Variants in IDH3A observed in about 807,000 individuals in gnomAD.
The protein encoded by IDH3A is isocitrate dehydrogenase [NAD] subunit alpha, mitochondrial.
In IDH3A, 23 loss-of-function variants were observed where a neutral mutation model predicts 43.3. That is an observed-to-expected ratio of 0.53 (90% confidence interval 0.38 to 0.75). The LOEUF is 0.75. Among genes scored for constraint, IDH3A ranks in the 30% least tolerant of loss-of-function variants. IDH3A has a pLI of 0.00. For synonymous variants in IDH3A, 154 were observed against 163.5 expected (o/e 0.94, Z 0.44); for missense variants, 329 against 474.4 (o/e 0.69, Z 2.85).
chr15:78,160,239 G>T (rs2074667855), intron 4 of IDH3A, 33 bp downstream of exon 4: 1 of 1,262,362 alleles, frequency 7.9e-7, no homozygotes. Context: ...GGTTTTTACA[G>T]ATTTCCGCTA....
Position 78,171,684 on chromosome 15 carries a change from C to G in IDH3A, c.*2679C>G. The G allele has an allele frequency of 1.6e-6, 1 of 608,858 alleles. No individual in the cohort carries two copies. The highest frequency in any genetic ancestry group is 2.9e-6 in the Non-Finnish European group (1 of 341,134). The allele number at this position is 608,858 out of a possible 1,614,324, so 37.7% of individuals were successfully genotyped here. On this transcript the variant is annotated 3_prime_UTR_variant, in exon 11 of 11. Transcript: ENST00000299518. ...GCCAGCCTCCAAGACAGTGATCGCT[C>G]CTGGTATTCATATGGCTTGTGTGTA...
chr15:78,163,694 T>C (rs374573637), intron 7 of IDH3A, 22 bp from the exon 8 acceptor site: 6 of 1,606,128 alleles, frequency 3.7e-6, no homozygotes, highest in Non-Finnish European at 5.1e-6. Context: ...GATTACTAAA[T>C]GCACAAATGT....
intron 1 of IDH3A, 68 bp from the exon 2 acceptor site, chr15:78,155,142 ACTT>A (rs2074613482): frequency 3.7e-6 from 4 of 1,081,438 alleles, no homozygotes; most frequent in Non-Finnish European, 5.7e-6. Context: ...ATCCATCAGG[ACTT>A]CCTCGCTCTT....
chr15:78,162,084 A>C (rs977742251), intron 5 of IDH3A, 150 bp from the exon 6 acceptor site: 1 of 752,792 alleles, frequency 1.3e-6, no homozygotes, highest in East Asian at 2.6e-5. Context: ...GTTAACATGA[A>C]CCCCATTGTC....
chr15:78,149,445 G>T lies in IDH3A; in HGVS notation c.27+15G>T. 6.5e-7 allele frequency: 1 copy of T among 1,537,070 alleles called. No homozygotes were observed. The stretch of plus-strand genomic sequence containing the variant: ...GGATCTCTAAGGTGAGCGCTGGCAG[G>T]CCGGCGTGTGGCAGGCAGGCAGGCC... On this transcript the variant is annotated intron_variant, in intron 1 of 10. Coordinates refer to ENST00000299518, the MANE Select transcript of IDH3A (RefSeq NM_005530.3).
Position 78,166,251 on chromosome 15 carries a change from C to A in IDH3A, c.966C>A (p.Asp322Glu). The A allele has an allele frequency of 6.2e-7, 1 of 1,614,102 alleles. No homozygotes were observed. Among genetic ancestry groups the A allele is most frequent in the Non-Finnish European group, 8.5e-7 (1 of 1,179,998 alleles). The change falls in exon 10 of 11, where the codon GAC becomes GAA. Residue 322 changes from aspartate to glutamate, a missense_variant. Physicochemically the swap from Asp to Glu is conservative, Grantham distance 45. Coordinates refer to ENST00000299518, the MANE Select transcript of IDH3A (RefSeq NM_005530.3). The part of the protein sequence containing the change: ...VMMLRHMGLF[D>E]HAARIEAACF... ...TGCTGCGCCACATGGGACTTTTTGA[C>A]CATGCTGCAAGAATTGAGGCTGCGT...
At chr15:78,162,089 A>C (rs1458431750) in intron 5 of IDH3A, 145 bp from the exon 6 acceptor site, 7 of 781,420 alleles carry the variant, frequency 9.0e-6, no homozygotes, top group Non-Finnish European at 1.3e-5. Flanking sequence ...CATGAACCCC[A>C]TTGTCGTAGC....
chr15:78,155,298 T>A, intron 2 of IDH3A, 23 bp downstream of exon 2: 1 of 1,542,296 alleles, frequency 6.5e-7, no homozygotes, highest in Non-Finnish European at 8.9e-7. Flanking sequence ...ATGTCTTTTA[T>A]TTTTTCCTTT....
intron 9 of IDH3A, among the ~76,000 whole-genome samples, chr15:78,165,684 T>TATTC (rs1410115757): frequency 6.6e-6 from 1 of 151,662 alleles, no homozygotes; most frequent in East Asian, 1.9e-4. Flanking sequence ...TCCAAGTCTT[T>TATTC]ATTTATTTAT....
At chr15:78,151,752 A>G (rs929757754) in intron 1 of IDH3A, among the ~76,000 whole-genome samples, 8 of 152,056 alleles carry the variant, frequency 5.3e-5, no homozygotes, top group African/African-American at 1.9e-4. Context: ...AAAAGTGCCA[A>G]TAATGCCTAT....
chr15:78,161,566 T>C lies in IDH3A; in HGVS notation c.290-15T>C. ...ATTCCTTCTAGTGTCATCTGGGTTTTCTTCTGTATAACAGGCCCTTTGAAG... is the reference window on the plus strand; with the variant it reads ...ATTCCTTCTAGTGTCATCTGGGTTTCCTTCTGTATAACAGGCCCTTTGAAG... On this transcript the variant is annotated splice_polypyrimidine_tract_variant and intron_variant, in intron 4 of 10. Transcript: ENST00000299518. The surrounding 1 kb of genome is among the most constrained non-coding windows in gnomAD (Gnocchi z 4.8). 1 of 1,608,428 alleles carries C rather than the reference T, an allele frequency of 6.2e-7. No individual in the cohort carries two copies. The highest frequency in any genetic ancestry group is 1.3e-5 in the African/African-American group (1 of 74,952).
In IDH3A at chr15:78,149,437, G is replaced by A; in HGVS notation, c.27+7G>A. On this transcript the variant is annotated splice_region_variant and intron_variant, in intron 1 of 10. Transcript: ENST00000299518. Reference sequence around the variant, plus strand: ...GCCCGCGTGGATCTCTAAGGTGAGCGCTGGCAGGCCGGCGTGTGGCAGGCA... The same window carrying A: ...GCCCGCGTGGATCTCTAAGGTGAGCACTGGCAGGCCGGCGTGTGGCAGGCA... The A allele has an allele frequency of 6.5e-7, 1 of 1,540,610 alleles. No homozygotes were observed. Among genetic ancestry groups the A allele is most frequent in the Non-Finnish European group, 8.7e-7 (1 of 1,150,646 alleles).
intron 1 of IDH3A, among the ~76,000 whole-genome samples, chr15:78,154,144 C>A (rs2074603772): frequency 6.7e-6 from 1 of 148,856 alleles, no homozygotes; most frequent in Non-Finnish European, 1.5e-5. Context: ...TTATAATAAA[C>A]CTTTAAAATT....
At chr15:78,156,591 T>A (rs1596376311) in intron 2 of IDH3A, among the ~76,000 whole-genome samples, 1 of 152,184 alleles carries the variant, frequency 6.6e-6, no homozygotes, top group East Asian at 1.9e-4. Flanking sequence ...CAGACATCAT[T>A]GGAAGGCAAA....
In IDH3A at chr15:78,157,042, A is replaced by G. The variant is rs1229008982; in HGVS notation, c.91-506A>G. On this transcript the variant is annotated intron_variant, in intron 2 of 10. Coordinates refer to ENST00000299518, the MANE Select transcript of IDH3A (RefSeq NM_005530.3). ...GAGTACCAAAACAGACCTCAGTAAT[A>G]TTTTGGAAATGTGTCTGAAAATGTT... 2.5e-6 allele frequency: 3 copies of G among 1,223,574 alleles called. No individual in the cohort carries two copies. The East Asian group carries it at 1.7e-4, about 68-fold the overall frequency. 75.8% of individuals were successfully genotyped at this position (1,223,574 alleles called of 1,614,324 possible). A position where few individuals can be genotyped will look rare whatever the true frequency, so the allele number is the denominator to read the frequency against.
intron 3 of IDH3A, among the ~76,000 whole-genome samples, chr15:78,158,236 G>T (rs996789515): frequency 6.6e-6 from 1 of 151,774 alleles, no homozygotes; most frequent in Non-Finnish European, 1.5e-5. Context: ...ACTTCTAACA[G>T]CTGAGCCTTT....
intron 6 of IDH3A, among the ~76,000 whole-genome samples, chr15:78,162,822 A>G (rs866240555): frequency 6.6e-6 from 1 of 152,150 alleles, no homozygotes; most frequent in African/African-American, 2.4e-5. Flanking sequence ...CTAGGATTAC[A>G]GGCATGAGCC....
rs762981722 is a variant in IDH3A, at chr15:78,171,563, C to T, written c.*2558C>T. Reference sequence around the variant, plus strand: ...GAAATGAGAAGAAATGAGTGAGGCCCAGGCTCTGAGAACTCTGAGAATGTG... The same window carrying T: ...GAAATGAGAAGAAATGAGTGAGGCCTAGGCTCTGAGAACTCTGAGAATGTG... On this transcript the variant is annotated 3_prime_UTR_variant, in exon 11 of 11. Transcript: ENST00000299518. The T allele has an allele frequency of 6.4e-7, 1 of 1,569,402 alleles. No individual in the cohort carries two copies. Among genetic ancestry groups the T allele is most frequent in the Admixed American group, 1.7e-5 (1 of 59,962 alleles).
intron 1 of IDH3A, 91 bp from the exon 2 acceptor site, chr15:78,155,122 C>A: frequency 1.2e-6 from 1 of 848,164 alleles, no homozygotes; most frequent in Non-Finnish European, 2.0e-6. Context: ...TGCCAAGTTG[C>A]AGCATTACCA....
Sources: gnomAD v4.1 joint callset for allele counts (sites outside exome capture counted in the v4.1 genomes callset) on GRCh38, gnomAD v4.1.1 for gene constraint, Gnocchi (gnomAD v3.1) non-coding constraint, MANE v1.5 for transcripts, NCBI Gene and HGNC (gene_info 2026-07-23, HGNC 2026-07-21) for gene names.